PDE4D: variants seen among roughly 807,000 people sequenced by gnomAD.
PDE4D encodes the protein phosphodiesterase 4D, also known as 3',5'-cyclic-AMP phosphodiesterase 4D.
PDE4D carries 24 observed loss-of-function variants against 87.4 expected under a neutral mutation model. That is an observed-to-expected ratio of 0.27 (90% CI 0.20 to 0.39). The LOEUF (loss-of-function observed/expected upper bound fraction) is 0.39, where lower values mean the gene tolerates loss of function less well. PDE4D is among the 10% of genes least tolerant of loss of function. The pLI is 1.00. For missense variants in PDE4D, 714 were observed against 1,041.0 expected, an observed-to-expected ratio of 0.69 and a Z score of 4.32; for synonymous variants, 384 against 383.2, an observed-to-expected ratio of 1.00 and a Z score of -0.02.
At chr5:59,998,174 T>C (rs561067200) in intron 2 of PDE4D, among the ~76,000 whole-genome samples, 95 of 152,326 alleles carry the variant, frequency 6.2e-4, no homozygotes, top group African/African-American at 2.3e-3. Flanking sequence ...ATATCAATGT[T>C]CATAGTTTTA....
intron 1 of PDE4D, among the ~76,000 whole-genome samples, chr5:59,643,799 A>G (rs1423693126): frequency 6.6e-6 from 1 of 152,222 alleles, no homozygotes; most frequent in Non-Finnish European, 1.5e-5. Flanking sequence ...AAATATTGGA[A>G]GTTTTCCCTA....
intron 1 of PDE4D, among the ~76,000 whole-genome samples, chr5:59,715,063 C>A (rs1754796461): frequency 6.6e-6 from 1 of 152,254 alleles, no homozygotes; most frequent in Non-Finnish European, 1.5e-5. Context: ...GATAGAGAAG[C>A]AGTTAGTAAC....
chr5:59,485,526 G>A (rs1804985274), intron 1 of PDE4D, among the ~76,000 whole-genome samples: 1 of 151,948 alleles, frequency 6.6e-6, no homozygotes, highest in Non-Finnish European at 1.5e-5. Context: ...CTCTTCTCAA[G>A]AATGATGCTT....
At chr5:59,331,769 T>C (rs1302715668) in intron 1 of PDE4D, among the ~76,000 whole-genome samples, 1 of 152,238 alleles carries the variant, frequency 6.6e-6, no homozygotes, top group Non-Finnish European at 1.5e-5. Flanking sequence ...GCAATTCTAA[T>C]AAAACACAGT....
intron 1 of PDE4D, among the ~76,000 whole-genome samples, chr5:59,486,660 T>C (rs1392814657): frequency 6.6e-6 from 1 of 152,170 alleles, no homozygotes; most frequent in African/African-American, 2.4e-5. Flanking sequence ...GCCAATGTCA[T>C]ACAACATGCA....
intron 2 of PDE4D, among the ~76,000 whole-genome samples, chr5:60,104,859 C>A (rs562685159): frequency 6.6e-6 from 1 of 152,310 alleles, no homozygotes; most frequent in South Asian, 2.1e-4. Context: ...CAAAACCCAT[C>A]TGTACATCAC....
chr5:59,623,117 C>T (rs1300919593), intron 1 of PDE4D, among the ~76,000 whole-genome samples: 1 of 152,064 alleles, frequency 6.6e-6, no homozygotes, highest in Admixed American at 6.5e-5. Context: ...ATTTCAGAAA[C>T]GTTAAAATAA....
chr5:59,529,149 TG>T, intron 1 of PDE4D: 1 of 482,444 alleles, frequency 2.1e-6, no homozygotes, highest in Non-Finnish European at 4.1e-6. Context: ...TGTGTGGAAT[TG>T]GGCCCCTCTT....
chr5:60,414,358 A>AT (rs1742305537), intron 1 of PDE4D, among the ~76,000 whole-genome samples: 1 of 152,242 alleles, frequency 6.6e-6, no homozygotes, highest in Non-Finnish European at 1.5e-5. Flanking sequence ...ATAAAACTCT[A>AT]TTAAGATTTT....
intron 1 of PDE4D, among the ~76,000 whole-genome samples, chr5:60,239,265 A>G (rs987354480): frequency 2.0e-5 from 3 of 152,098 alleles, no homozygotes; most frequent in African/African-American, 7.2e-5. Flanking sequence ...TTAGGGACAC[A>G]TGAGTCTATT....
At chr5:59,153,485 C>A (rs1157265512) in intron 5 of PDE4D, among the ~76,000 whole-genome samples, 6 of 152,112 alleles carry the variant, frequency 3.9e-5, no homozygotes, top group Non-Finnish European at 8.8e-5. Context: ...CTCCCTTCTG[C>A]CAAAGGGATT....
intron 5 of PDE4D, among the ~76,000 whole-genome samples, chr5:59,118,865 CTT>C (rs983459280): frequency 8.5e-5 from 13 of 152,110 alleles, no homozygotes; most frequent in African/African-American, 3.1e-4. Flanking sequence ...ACAAATAAAA[CTT>C]AGGCCAGAGG....
At chr5:60,037,847 A>G (rs1424017537) in intron 2 of PDE4D, among the ~76,000 whole-genome samples, 2 of 152,210 alleles carry the variant, frequency 1.3e-5, no homozygotes, top group African/African-American at 4.8e-5. Flanking sequence ...AAGCAACCCT[A>G]AAATATTTTA....
intron 1 of PDE4D, among the ~76,000 whole-genome samples, chr5:60,472,290 C>T (rs543099047): frequency 6.6e-6 from 1 of 152,172 alleles, no homozygotes; most frequent in African/African-American, 2.4e-5. Context: ...TGAGGCACAG[C>T]CAACTTAGGT....
intron 2 of PDE4D, among the ~76,000 whole-genome samples, chr5:60,017,982 C>T (rs911772695): frequency 2.6e-5 from 4 of 152,036 alleles, no homozygotes; most frequent in Non-Finnish European, 4.4e-5. Context: ...TTTTAATAAT[C>T]GCAATTCTGA....
chr5:59,089,310 G>A lies in PDE4D; in HGVS notation c.809-50339C>T, dbSNP rs577664355. ...CAATACTGATTTCATTCAAGATAAGGAAACTAATTGGTATCAATTTTAGTT... is the reference window on the plus strand; with the variant it reads ...CAATACTGATTTCATTCAAGATAAGAAAACTAATTGGTATCAATTTTAGTT... On this transcript the variant is annotated intron_variant, in intron 5 of 14. Transcript: ENST00000340635. Among the ~76,000 whole-genome samples, 129 of 152,084 alleles carry A rather than the reference G, an allele frequency of 8.5e-4. 2 individuals carry two copies. In the East Asian group the frequency reaches 0.023, roughly 28 times the overall value.
intron 1 of PDE4D, among the ~76,000 whole-genome samples, chr5:60,509,130 G>C (rs935680483): frequency 6.6e-6 from 1 of 152,018 alleles, no homozygotes; most frequent in Admixed American, 6.6e-5. Flanking sequence ...ATGCACCAGG[G>C]CACCTGGCCA....
chr5:59,698,498 C>A (rs1752117152), intron 1 of PDE4D, among the ~76,000 whole-genome samples: 1 of 140,212 alleles, frequency 7.1e-6, no homozygotes, highest in Non-Finnish European at 1.6e-5. Context: ...ACCACATACA[C>A]CCACATTCAA....
At chr5:59,065,101 C>T (rs921540609) in intron 5 of PDE4D, among the ~76,000 whole-genome samples, 2,061 of 126,576 alleles carry the variant, frequency 0.016, 75 homozygotes, top group African/African-American at 0.05. Context: ...CACACACACA[C>T]ACACACACAC....
Sources: allele counts gnomAD v4.1 joint callset (sites outside exome capture counted in the v4.1 genomes callset), GRCh38; gene constraint gnomAD v4.1.1; transcripts MANE v1.5; gene names NCBI Gene and HGNC (gene_info 2026-07-23, HGNC 2026-07-21).